Variants in KRT19 observed in about 807,000 individuals in gnomAD.
KRT19 encodes keratin, type I cytoskeletal 19.
In KRT19, 21 loss-of-function variants were observed where a neutral mutation model predicts 34.6. The observed-to-expected ratio is 0.61, with a 90% CI of 0.43 to 0.87. KRT19 has a LOEUF of 0.87. Among genes scored for constraint, KRT19 ranks in the 40% least tolerant of loss-of-function variants. The pLI, the probability that KRT19 is intolerant of heterozygous loss-of-function variation, is 0.00. For synonymous variants in KRT19, 240 were observed against 245.8 expected (o/e 0.98, Z 0.22); for missense variants, 514 against 545.7 (o/e 0.94, Z 0.58).
intron 2 of KRT19, 86 bp from the exon 3 acceptor site, chr17:41,525,085 AG>A (rs1905813982): frequency 1.9e-6 from 3 of 1,581,816 alleles, no homozygotes; most frequent in South Asian, 1.1e-5. Flanking sequence ...AGGAGTCCAT[AG>A]GGGGGTTAGC....
At position 41,525,420 on chromosome 17, in the gene KRT19, C is replaced by T. The variant is rs563315211; in HGVS notation, c.421-147G>A. On this transcript the variant is annotated intron_variant, in intron 1 of 5. Transcript: ENST00000361566. ...AGCCAGCATCTGCCGCCCATTGGCC[C>T]GCTCTCTGGGAGGCCTTGCAAACAG... 2.3e-4 allele frequency: 160 copies of T among 682,292 alleles called. No individual in the cohort carries two copies. In the African/African-American group the frequency reaches 2.5e-3, roughly 11 times the overall value. The allele number at this position is 682,292 out of a possible 1,614,324, so 42.3% of individuals were successfully genotyped here.
At chr17:41,524,630 G>GCT in intron 3 of KRT19, 90 bp from the exon 4 acceptor site, 1 of 1,451,394 alleles carries the variant, frequency 6.9e-7, no homozygotes, top group Non-Finnish European at 9.6e-7. Context: ...GGCTAAAGGG[G>GCT]CTTAGTTTTC....
At chr17:41,524,295 A>G in intron 4 of KRT19, 27 bp from the exon 5 acceptor site, 2 of 1,612,792 alleles carry the variant, frequency 1.2e-6, no homozygotes, top group Non-Finnish European at 8.5e-7. Flanking sequence ...AAGAGGGAAT[A>G]AGCATTGAGT....
intron 1 of KRT19, among the ~76,000 whole-genome samples, chr17:41,526,383 C>T (rs1905864134): frequency 1.3e-5 from 2 of 151,112 alleles, no homozygotes; most frequent in Non-Finnish European, 3.0e-5. Flanking sequence ...TGTGCACGCA[C>T]ACACACACAC....
rs1440298478 is a variant in KRT19 at position 41,523,852 on chromosome 17, C to T, written c.1094G>A (p.Arg365Gln). Residue 365 changes from arginine (R) to glutamine (Q), a missense_variant, in exon 6 of 6, where the codon CGG becomes CAG. Transcript: ENST00000361566. ...CAGCCGCGACTTGATGTCCATGAGC[C>T]GCTGGTACTCCTGATTCTGCCGCTC... The part of the protein sequence containing the change: ...DSERQNQEYQ[R>Q]LMDIKSRLEQ... 3.5e-5 allele frequency: 57 copies of T among 1,613,936 alleles called. No homozygotes were observed. Among genetic ancestry groups the T allele is most frequent in the African/African-American group, 4.0e-5 (3 of 74,936 alleles).
rs757666492 is a variant in KRT19, at chr17:41,527,969, G to A, written c.279C>T (p.Ser93=). ...CCAGGGCGCGCACCTTGTCCAGGTA[G>A]GAGGCCAGGCGGTCGTTGAGGTTCT... ...TMQNLNDRLA[S]YLDKVRALEA... is the part of the protein sequence containing the mutation. The change falls in exon 1 of 6, where the codon TCC becomes TCT. Residue 93 remains serine, a synonymous_variant. Coordinates refer to ENST00000361566, the MANE Select transcript of KRT19 (RefSeq NM_002276.5). 6.2e-7 allele frequency: 1 copy of A among 1,613,802 alleles called. No homozygotes were observed. Among genetic ancestry groups the A allele is most frequent in the South Asian group, 1.1e-5 (1 of 91,078 alleles).
chr17:41,527,528 G>C (rs1040735557), intron 1 of KRT19, among the ~76,000 whole-genome samples: 1 of 152,218 alleles, frequency 6.6e-6, no homozygotes, highest in Admixed American at 6.5e-5. Flanking sequence ...TTCAGGCCTC[G>C]CTGACCCGCG....
rs1253550067 is a variant in KRT19, at chr17:41,527,813, C to T, written c.420+15G>A. 6.4e-7 allele frequency: 1 copy of T among 1,557,348 alleles called. No homozygotes were observed. Among genetic ancestry groups the T allele is most frequent in the South Asian group, 1.2e-5 (1 of 83,224 alleles). Reference sequence around the variant, plus strand: ...GCAGGTGCACTGCACTTCCCGCGGCCGGGCCTCCGCCCACCTTGTCCCGCA... The same window carrying T: ...GCAGGTGCACTGCACTTCCCGCGGCTGGGCCTCCGCCCACCTTGTCCCGCA... On this transcript the variant is annotated intron_variant, in intron 1 of 5. Transcript: ENST00000361566.
Position 41,524,883 on chromosome 17 carries a change from A to C in KRT19, c.620T>G (p.Leu207Arg). 6.2e-7 allele frequency: 1 copy of C among 1,614,220 alleles called. No homozygotes were observed. The highest frequency in any genetic ancestry group is 1.1e-5 in the South Asian group (1 of 91,086). The change falls in exon 3 of 6, where the codon CTG becomes CGG. Residue 207 changes from leucine to arginine, a missense_variant. Coordinates refer to ENST00000361566, the MANE Select transcript of KRT19 (RefSeq NM_002276.5). ...RTDLEMQIEG[L>R]KEELAYLKKN... Reference sequence around the variant, plus strand: ...CTTCAGGTAGGCCAGCTCTTCCTTCAGGCCTTCGATCTGCATCTCCAGGTC... The same window carrying C: ...CTTCAGGTAGGCCAGCTCTTCCTTCCGGCCTTCGATCTGCATCTCCAGGTC...
chr17:41,526,209 C>T (rs1343537704), intron 1 of KRT19, among the ~76,000 whole-genome samples: 3 of 152,046 alleles, frequency 2.0e-5, no homozygotes, highest in African/African-American at 7.2e-5. Context: ...CTCCTGACCT[C>T]GTGATCCGCC....
At chr17:41,526,440 A>T in intron 1 of KRT19, among the ~76,000 whole-genome samples, 1 of 111,298 alleles carries the variant, frequency 9.0e-6, no homozygotes, top group African/African-American at 3.6e-5. Flanking sequence ...AAATGTACTT[A>T]TTGTCGCAAT....
intron 1 of KRT19, among the ~76,000 whole-genome samples, chr17:41,527,441 C>T (rs75777594): frequency 0.018 from 2,792 of 152,320 alleles, 85 homozygotes; most frequent in East Asian, 0.089. Context: ...GCCAAACTCT[C>T]GCATCTTCCT....
rs533516685 is a variant in KRT19, at chr17:41,527,940, G to A, written c.308C>T (p.Ala103Val). The change falls in exon 1 of 6, where the codon GCG becomes GTG. Residue 103 changes from alanine (A) to valine (V), a missense_variant. By Grantham distance (64) the Ala-to-Val change is moderately conservative. Transcript: ENST00000361566. ...CTTCACCTCTAGCTCGCCGTTGGCC[G>A]CCTCCAGGGCGCGCACCTTGTCCAG... ...SYLDKVRALE[A>V]ANGELEVKIR... is the part of the protein sequence containing the mutation. 1 of 1,613,728 alleles carries A rather than the reference G, an allele frequency of 6.2e-7. No homozygotes were observed. The highest frequency in any genetic ancestry group is 8.5e-7 in the Non-Finnish European group (1 of 1,179,906).
chr17:41,524,703 C>G (rs1597781077), intron 3 of KRT19, 140 bp downstream of exon 3: 1 of 1,235,718 alleles, frequency 8.1e-7, no homozygotes, highest in Non-Finnish European at 1.2e-6. Flanking sequence ...CCTCTTGGAA[C>G]CCTGGGATCC....
chr17:41,524,074 G>T, intron 5 of KRT19, 69 bp downstream of exon 5: 2 of 1,597,736 alleles, frequency 1.3e-6, no homozygotes, highest in Non-Finnish European at 8.6e-7. Context: ...CACCGGCCAG[G>T]CTGCCCTAGG....
rs60030898 is a variant in KRT19, at chr17:41,526,562, CTTTTT to C, written c.420+1261_420+1265del. Among the ~76,000 whole-genome samples the C allele has an allele frequency of 1.2e-4, 9 of 72,192 alleles. No homozygotes were observed. The East Asian group carries it at 1.8e-3, about 15-fold the overall frequency. The allele number at this position is 72,192 out of a possible 152,430, so 47.4% of individuals were successfully genotyped here. A position where few individuals can be genotyped will look rare whatever the true frequency, so the allele number is the denominator to read the frequency against. On this transcript the variant is annotated intron_variant, in intron 1 of 5. Coordinates refer to ENST00000361566, the MANE Select transcript of KRT19 (RefSeq NM_002276.5). ...ACACGCCACCATGCCAAGCTAATTCCTTTTTTTTTTTTTTTTTTTTTTTTTTTGAG... is the reference window on the plus strand; with the variant it reads ...ACACGCCACCATGCCAAGCTAATTCCTTTTTTTTTTTTTTTTTTTTTTGAG...
Position 41,527,837 on chromosome 17 carries a change from C to G in KRT19, c.411G>C (p.Leu137=), listed in dbSNP as rs1434933742. 1 of 1,586,328 alleles carries G rather than the reference C, an allele frequency of 6.3e-7. No homozygotes were observed. Among genetic ancestry groups the G allele is most frequent in the Non-Finnish European group, 8.6e-7 (1 of 1,163,610 alleles). ...CCGGGCCTCCGCCCACCTTGTCCCGCAGGTCCTGGATGGTCGTGTAGTAGT... is the reference window on the plus strand; with the variant it reads ...CCGGGCCTCCGCCCACCTTGTCCCGGAGGTCCTGGATGGTCGTGTAGTAGT... ...YSHYYTTIQD[L]RDKILGATIE... Residue 137 remains leucine, a synonymous_variant, in exon 1 of 6, where the codon CTG becomes CTC. Transcript: ENST00000361566.
intron 1 of KRT19, among the ~76,000 whole-genome samples, chr17:41,526,633 G>A (rs1002146230): frequency 1.4e-5 from 2 of 142,400 alleles, no homozygotes; most frequent in Non-Finnish European, 3.0e-5. Context: ...GTGCAATGGC[G>A]CAATCTCGGC....
chr17:41,526,187 G>C (rs1351828867), intron 1 of KRT19, among the ~76,000 whole-genome samples: 2 of 152,080 alleles, frequency 1.3e-5, no homozygotes, highest in Non-Finnish European at 2.9e-5. Context: ...TGTTAGCCAG[G>C]ATGGTCTGGA....
Sources: allele counts gnomAD v4.1 joint callset (sites outside exome capture counted in the v4.1 genomes callset), GRCh38; gene constraint gnomAD v4.1.1; transcripts MANE v1.5; gene names NCBI Gene and HGNC (gene_info 2026-07-23, HGNC 2026-07-21).